Variants in SPTLC2 observed in about 807,000 individuals in gnomAD.
SPTLC2 encodes serine palmitoyltransferase 2.
In SPTLC2, 21 loss-of-function variants were observed where a neutral mutation model predicts 62.0. The ratio of observed to expected loss-of-function variants is 0.34; its 90% CI spans 0.24 to 0.49. SPTLC2 has a LOEUF of 0.49. Ranked by LOEUF, SPTLC2 falls within the 20% of genes least tolerant of loss-of-function variation. The pLI is 0.99. For synonymous variants in SPTLC2, 261 were observed against 261.8 expected (o/e 1.00, Z 0.03); for missense variants, 511 against 713.0 (o/e 0.72, Z 3.23).
chr14:77,549,422 G>A (rs977345051), intron 9 of SPTLC2, among the ~76,000 whole-genome samples: 3 of 152,106 alleles, frequency 2.0e-5, no homozygotes, highest in African/African-American at 4.8e-5. Context: ...ACACAGTCAC[G>A]ATGTCATGAG....
chr14:77,573,723 G>A (rs1245461459), intron 4 of SPTLC2, among the ~76,000 whole-genome samples: 1 of 152,006 alleles, frequency 6.6e-6, no homozygotes, highest in African/African-American at 2.4e-5. Flanking sequence ...TGCCTCACAG[G>A]TTCAAGAGAT....
In SPTLC2 at chr14:77,616,484, GCTC is replaced by G; in HGVS notation, c.93_95del (p.Arg31del). On this transcript the variant is annotated inframe_deletion, in exon 1 of 12. Transcript: ENST00000216484. ...CGGCTGCGGCTGCGGCTGCAGCGCT[GCTC>G]CTCACGTACCCGTTCCGTACTTCCC... 1 of 1,524,812 alleles carries G rather than the reference GCTC, an allele frequency of 6.6e-7. No homozygotes were observed. The highest frequency in any genetic ancestry group is 1.2e-5 in the South Asian group (1 of 82,642). 94.5% of individuals were successfully genotyped at this position (1,524,812 alleles called of 1,614,324 possible).
At chr14:77,592,282 C>T (rs2079822145) in intron 2 of SPTLC2, among the ~76,000 whole-genome samples, 2 of 151,722 alleles carry the variant, frequency 1.3e-5, no homozygotes, top group African/African-American at 4.8e-5. Flanking sequence ...TTACAGGTGC[C>T]CACCACCACG....
chr14:77,554,959 C>A, intron 8 of SPTLC2: 1 of 350,680 alleles, frequency 2.9e-6, no homozygotes, highest in South Asian at 2.5e-5. Context: ...GCTCCCATGA[C>A]AACCCCACTG....
chr14:77,574,108 G>A (rs2079700187), intron 4 of SPTLC2, among the ~76,000 whole-genome samples: 1 of 152,174 alleles, frequency 6.6e-6, no homozygotes, highest in Admixed American at 6.5e-5. Flanking sequence ...ACAGAATTAT[G>A]AGACTAGACA....
chr14:77,611,457 C>A (rs1411414193), intron 1 of SPTLC2, among the ~76,000 whole-genome samples: 1 of 27,430 alleles, frequency 3.6e-5, no homozygotes, highest in African/African-American at 1.1e-4. Context: ...CCCTATCTCG[C>A]CAAAAAAAAA....
At chr14:77,536,925 C>T (rs56138064) in intron 9 of SPTLC2, among the ~76,000 whole-genome samples, 1 of 150,016 alleles carries the variant, frequency 6.7e-6, no homozygotes, top group African/African-American at 2.5e-5. Flanking sequence ...TCCCCCACCC[C>T]CCCACTTCTT....
chr14:77,574,815 G>A (rs908869271), intron 4 of SPTLC2, among the ~76,000 whole-genome samples: 1 of 151,980 alleles, frequency 6.6e-6, no homozygotes, highest in Non-Finnish European at 1.5e-5. Flanking sequence ...ACAAAAAGTA[G>A]ACTACTGGTT....
At chr14:77,534,626 T>C (rs565282261) in intron 9 of SPTLC2, among the ~76,000 whole-genome samples, 10 of 84,840 alleles carry the variant, frequency 1.2e-4, no homozygotes, top group Admixed American at 3.5e-4. Context: ...ATAGAAGAAA[T>C]AGAAATTGAT....
At chr14:77,575,502 G>C (rs2079710209) in intron 4 of SPTLC2, among the ~76,000 whole-genome samples, 1 of 152,094 alleles carries the variant, frequency 6.6e-6, no homozygotes, top group African/African-American at 2.4e-5. Context: ...TACAGCTAGG[G>C]CATAAAAAGC....
At chr14:77,593,042 G>A (rs2079826937) in intron 2 of SPTLC2, among the ~76,000 whole-genome samples, 1 of 151,768 alleles carries the variant, frequency 6.6e-6, no homozygotes, top group African/African-American at 2.4e-5. Context: ...GGCGGAGATT[G>A]CAGTGAGCCG....
At chr14:77,536,615 G>T (rs1190033289) in intron 9 of SPTLC2, among the ~76,000 whole-genome samples, 8 of 152,062 alleles carry the variant, frequency 5.3e-5, no homozygotes, top group Non-Finnish European at 1.2e-4. Flanking sequence ...CCAGCCTATA[G>T]GCCGAGTTTA....
intron 1 of SPTLC2, among the ~76,000 whole-genome samples, chr14:77,611,838 A>AC (rs1264685721): frequency 3.3e-5 from 5 of 151,844 alleles, no homozygotes. Flanking sequence ...AAAAAAAAAA[A>AC]CCTAACGCAG....
intron 2 of SPTLC2, among the ~76,000 whole-genome samples, chr14:77,580,397 C>T (rs994136397): frequency 6.0e-5 from 9 of 150,604 alleles, no homozygotes; most frequent in African/African-American, 2.2e-4. Flanking sequence ...GCAGCAGAAT[C>T]GCTTGAACCT....
chr14:77,522,383 G>A (rs961654477), intron 9 of SPTLC2, among the ~76,000 whole-genome samples: 1 of 152,016 alleles, frequency 6.6e-6, no homozygotes, highest in African/African-American at 2.4e-5. Context: ...GGCTGGTCTC[G>A]AACACCTAAC....
intron 7 of SPTLC2, 96 bp downstream of exon 7, chr14:77,556,945 T>C: frequency 1.0e-6 from 1 of 974,220 alleles, no homozygotes. Context: ...TCTCCTTAGT[T>C]TCCAGAGGGG....
chr14:77,555,705 T>A (rs1391503072), intron 7 of SPTLC2, among the ~76,000 whole-genome samples, 186 bp from the exon 8 acceptor site: 1 of 151,986 alleles, frequency 6.6e-6, no homozygotes, highest in Non-Finnish European at 1.5e-5. Flanking sequence ...AATCCCTGAC[T>A]CCTGGGTTCA....
chr14:77,585,291 CAG>C (rs768250739), intron 2 of SPTLC2, among the ~76,000 whole-genome samples: 5 of 152,138 alleles, frequency 3.3e-5, no homozygotes, highest in Non-Finnish European at 7.3e-5. Flanking sequence ...ATGTATTTTA[CAG>C]AGTCACTGAA....
intron 11 of SPTLC2, among the ~76,000 whole-genome samples, chr14:77,515,542 C>CTT (rs71128633): frequency 0.069 from 8,492 of 122,850 alleles, 847 homozygotes; most frequent in African/African-American, 0.15. Flanking sequence ...AAGGGAAAGG[C>CTT]TTTTTTTTTT....
Sources: allele counts gnomAD v4.1 joint callset (sites outside exome capture counted in the v4.1 genomes callset), GRCh38; gene constraint gnomAD v4.1.1; transcripts MANE v1.5; gene names NCBI Gene and HGNC (gene_info 2026-07-23, HGNC 2026-07-21).